The following PSTPIP2 variants were observed in gnomAD, a reference collection of about 807,000 sequenced individuals.
PSTPIP2 encodes the protein proline-serine-threonine phosphatase interacting protein 2.
A neutral mutation model predicts 63.3 loss-of-function variants in PSTPIP2; 33 were observed. That is an observed-to-expected ratio of 0.52 (90% confidence interval 0.40 to 0.70). The LOEUF (loss-of-function observed/expected upper bound fraction) is 0.70. PSTPIP2 is among the 30% of genes least tolerant of loss of function. The probability of loss-of-function intolerance (pLI) is 0.00; values close to 1 mark genes in which losing one functional copy is unlikely to be tolerated. For missense variants in PSTPIP2, 312 were observed against 400.7 expected, an observed-to-expected ratio of 0.78 and a Z score of 1.89; for synonymous variants, 125 against 132.7, an observed-to-expected ratio of 0.94 and a Z score of 0.40.
Position 45,987,469 on chromosome 18 carries a change from A to G in PSTPIP2, c.*8+1233T>C, listed in dbSNP as rs1757011366. On this transcript the variant is annotated intron_variant, in intron 14 of 14. Coordinates refer to ENST00000409746, the MANE Select transcript of PSTPIP2 (RefSeq NM_024430.4). ...TGTTATCCAGGGCATACAACTAACA[A>G]GAAATGCGAAGACGTGTAGTTCAGA... 2.0e-5 allele frequency among the ~76,000 whole-genome samples: 3 copies of G among 147,578 alleles called. No homozygotes were observed. In the Admixed American group the frequency reaches 2.1e-4, roughly 10 times the overall value.
rs549329347 is a variant in PSTPIP2, at chr18:45,992,644, G to C, written c.742-442C>G. On this transcript the variant is annotated intron_variant, in intron 10 of 14. Transcript: ENST00000409746. Reference sequence around the variant, plus strand: ...AAATTTTCTTGTTTTCAAAAAAAAAGAACACATTCCAAAGTCCCAGATTCA... The same window carrying C: ...AAATTTTCTTGTTTTCAAAAAAAAACAACACATTCCAAAGTCCCAGATTCA... 5.3e-5 allele frequency among the ~76,000 whole-genome samples: 8 copies of C among 151,694 alleles called. No homozygotes were observed. In the South Asian group the frequency reaches 1.7e-3, roughly 32 times the overall value.
intron 10 of PSTPIP2, among the ~76,000 whole-genome samples, chr18:45,992,550 G>T (rs1278913427): frequency 6.9e-6 from 1 of 144,774 alleles, no homozygotes; most frequent in Admixed American, 7.0e-5. Context: ...GCGACAGTGC[G>T]AGACTCCGTC....
At chr18:46,009,048 C>T (rs1389911383) in intron 5 of PSTPIP2, among the ~76,000 whole-genome samples, 2 of 152,082 alleles carry the variant, frequency 1.3e-5, no homozygotes, top group Non-Finnish European at 2.9e-5. Context: ...AGGCACATCA[C>T]GCTTTACCAT....
chr18:45,997,221 T>C (rs939092797), intron 9 of PSTPIP2, among the ~76,000 whole-genome samples: 2 of 152,104 alleles, frequency 1.3e-5, no homozygotes, highest in Non-Finnish European at 2.9e-5. Flanking sequence ...CGGAGTCTTG[T>C]TCTGTCGCCC....
At position 45,985,277 on chromosome 18, in the gene PSTPIP2, A is replaced by G; in HGVS notation, c.*182T>C. 1.3e-6 allele frequency: 1 copy of G among 765,518 alleles called. No individual in the cohort carries two copies. Among genetic ancestry groups the G allele is most frequent in the Non-Finnish European group, 2.0e-6 (1 of 487,832 alleles). 47.4% of individuals were successfully genotyped at this position (765,518 alleles called of 1,614,324 possible). On this transcript the variant is annotated 3_prime_UTR_variant, in exon 15 of 15. Coordinates refer to ENST00000409746, the MANE Select transcript of PSTPIP2 (RefSeq NM_024430.4). Reference sequence around the variant, plus strand: ...ATTTGTAAACTTCAAAAAACTGCAGAACTCTACTTGCTTATGTTGTCCTAA... The same window carrying G: ...ATTTGTAAACTTCAAAAAACTGCAGGACTCTACTTGCTTATGTTGTCCTAA...
chr18:45,994,015 T>C (rs3745001), intron 9 of PSTPIP2: 42,574 of 343,584 alleles, frequency 0.12, 3,826 homozygotes, highest in East Asian at 0.41. Context: ...CATCTCCACC[T>C]GAGCAGCCTG....
chr18:46,070,708 C>T (rs2144142830), intron 1 of PSTPIP2, among the ~76,000 whole-genome samples: 1 of 152,056 alleles, frequency 6.6e-6, no homozygotes, highest in South Asian at 2.1e-4. Context: ...TAGAGACAGA[C>T]AGAGTCTCAC....
chr18:45,992,707 T>A (rs980262120), intron 10 of PSTPIP2, among the ~76,000 whole-genome samples: 1 of 151,908 alleles, frequency 6.6e-6, no homozygotes, highest in Non-Finnish European at 1.5e-5. Context: ...TGCTATTAAT[T>A]TTTTATTTTT....
intron 1 of PSTPIP2, among the ~76,000 whole-genome samples, chr18:46,053,824 G>T (rs898903954): frequency 2.6e-5 from 4 of 152,054 alleles, no homozygotes; most frequent in Non-Finnish European, 2.9e-5. Context: ...AGACATGAGG[G>T]GATCTTAAAT....
intron 1 of PSTPIP2, among the ~76,000 whole-genome samples, chr18:46,049,474 A>T (rs532147978): frequency 9.2e-4 from 139 of 150,866 alleles, no homozygotes; most frequent in African/African-American, 3.3e-3. Flanking sequence ...TAAAAGTTTA[A>T]AAAAAAAAGA....
intron 1 of PSTPIP2, among the ~76,000 whole-genome samples, chr18:46,048,284 G>A (rs1908454635): frequency 6.6e-6 from 1 of 152,192 alleles, no homozygotes; most frequent in South Asian, 2.1e-4. Context: ...CTAGAATCTG[G>A]AAAAGTCAAG....
intron 1 of PSTPIP2, among the ~76,000 whole-genome samples, chr18:46,059,540 C>T (rs908759534): frequency 3.9e-5 from 6 of 151,928 alleles, no homozygotes; most frequent in South Asian, 2.1e-4. Context: ...TGAGCCACCG[C>T]GCCTGGTCTT....
intron 2 of PSTPIP2, chr18:46,028,380 G>T: frequency 2.0e-6 from 1 of 499,624 alleles, no homozygotes; most frequent in Non-Finnish European, 3.9e-6. Flanking sequence ...AGCGAAAACC[G>T]CCGGCCAGGC....
At position 46,036,922 on chromosome 18, in the gene PSTPIP2, A is replaced by G. The variant is rs145795011; in HGVS notation, c.134+3025T>C. Among the ~76,000 whole-genome samples, 4 of 152,290 alleles carry G rather than the reference A, an allele frequency of 2.6e-5. No homozygotes were observed. The East Asian group carries it at 7.7e-4, about 29-fold the overall frequency. On this transcript the variant is annotated intron_variant, in intron 2 of 14. Transcript: ENST00000409746. ...AAGTCTTAAAAGCACCCCATTAGAT[A>G]TAGGGCATGTTTAGCATGTACCATG...
At chr18:46,046,308 GCCA>G (rs1223955882) in intron 1 of PSTPIP2, among the ~76,000 whole-genome samples, 3 of 152,214 alleles carry the variant, frequency 2.0e-5, no homozygotes, top group Admixed American at 1.3e-4. Flanking sequence ...AGTCTCCAAA[GCCA>G]CCAACAGGGT....
At chr18:46,031,750 A>G (rs1907793828) in intron 2 of PSTPIP2, among the ~76,000 whole-genome samples, 1 of 152,188 alleles carries the variant, frequency 6.6e-6, no homozygotes, top group Non-Finnish European at 1.5e-5. Flanking sequence ...TTTCCAAGAT[A>G]AGAAGTCACT....
chr18:46,056,835 C>T (rs896261972), intron 1 of PSTPIP2, among the ~76,000 whole-genome samples: 4 of 152,088 alleles, frequency 2.6e-5, no homozygotes, highest in African/African-American at 9.7e-5. Flanking sequence ...GATGCGGTGG[C>T]TCACACCTGT....
At chr18:46,035,305 A>G (rs1440200472) in intron 2 of PSTPIP2, among the ~76,000 whole-genome samples, 6 of 151,906 alleles carry the variant, frequency 3.9e-5, no homozygotes, top group African/African-American at 1.5e-4. Flanking sequence ...CTGTAATCCC[A>G]GCTACTCGGG....
intron 2 of PSTPIP2, among the ~76,000 whole-genome samples, chr18:46,037,860 T>C (rs559283112): frequency 2.0e-5 from 3 of 152,190 alleles, no homozygotes; most frequent in Non-Finnish European, 4.4e-5. Flanking sequence ...ATAAAACCCA[T>C]GGGAGAAAAG....
Sources: allele counts gnomAD v4.1 joint callset (sites outside exome capture counted in the v4.1 genomes callset), GRCh38; gene constraint gnomAD v4.1.1; transcripts MANE v1.5; gene names NCBI Gene and HGNC (gene_info 2026-07-23, HGNC 2026-07-21).